ATRNL1: variants seen among roughly 807,000 people sequenced by gnomAD.
The protein encoded by ATRNL1 is attractin-like protein 1.
Under a neutral mutation model 182.7 loss-of-function variants are expected in ATRNL1, and 95 were observed. The ratio of observed to expected loss-of-function variants is 0.52; its 90% CI spans 0.44 to 0.62. The LOEUF is 0.62. ATRNL1 is among the 20% of genes least tolerant of loss of function. The pLI is 0.00. For synonymous variants in ATRNL1, 576 were observed against 568.3 expected, an observed-to-expected ratio of 1.01 and a Z score of -0.19; for missense variants, 1,471 against 1,679.5, an observed-to-expected ratio of 0.88 and a Z score of 2.17.
At chr10:115,788,470 G>A (rs1218168554) in intron 27 of ATRNL1, among the ~76,000 whole-genome samples, 1 of 152,092 alleles carries the variant, frequency 6.6e-6, no homozygotes, top group Admixed American at 6.5e-5. Context: ...CCTCCTTTAT[G>A]GGTGCAAAAT....
chr10:115,872,306 G>T (rs1232209771), intron 28 of ATRNL1, among the ~76,000 whole-genome samples: 2 of 152,154 alleles, frequency 1.3e-5, no homozygotes, highest in Non-Finnish European at 2.9e-5. Flanking sequence ...GCTTTCTGTT[G>T]TTAAAAGTTC....
Position 115,603,749 on chromosome 10 carries a change from C to T in ATRNL1, c.3795+54213C>T, listed in dbSNP as rs576517514. 1.8e-4 allele frequency among the ~76,000 whole-genome samples: 28 copies of T among 152,286 alleles called. 1 individual carries two copies. Among genetic ancestry groups the T allele is most frequent in the African/African-American group, 6.5e-4 (27 of 41,570 alleles). On this transcript the variant is annotated intron_variant, in intron 26 of 28. Coordinates refer to ENST00000355044, the MANE Select transcript of ATRNL1 (RefSeq NM_207303.4). ...CTAAATATTTACCCTATCCATTGCT[C>T]TCCATTGCTTTGTCTAGATTTAAGT...
At chr10:115,270,285 A>G (rs1375151482) in intron 13 of ATRNL1, among the ~76,000 whole-genome samples, 1 of 144,506 alleles carries the variant, frequency 6.9e-6, no homozygotes, top group Non-Finnish European at 1.5e-5. Flanking sequence ...AAATATATAA[A>G]CATTTGTTTA....
At chr10:115,640,386 C>A (rs1859162194) in intron 26 of ATRNL1, among the ~76,000 whole-genome samples, 1 of 152,168 alleles carries the variant, frequency 6.6e-6, no homozygotes, top group South Asian at 2.1e-4. Flanking sequence ...AATTTACACT[C>A]CCACCAACAG....
intron 9 of ATRNL1, among the ~76,000 whole-genome samples, chr10:115,221,390 T>C (rs1315905498): frequency 7.9e-5 from 12 of 152,224 alleles, no homozygotes; most frequent in Non-Finnish European, 1.8e-4. Flanking sequence ...TTAGTAGATA[T>C]GGTTACATAG....
In ATRNL1 at chr10:115,747,251, G is replaced by A. The variant is rs993685951; in HGVS notation, c.3903+19896G>A. On this transcript the variant is annotated intron_variant, in intron 27 of 28. Coordinates refer to ENST00000355044, the MANE Select transcript of ATRNL1 (RefSeq NM_207303.4). Reference sequence around the variant, plus strand: ...ATTTCTATTCATTCTCCCAACCTGTGCTAGAATGATGATCCTTTATCTTAC... The same window carrying A: ...ATTTCTATTCATTCTCCCAACCTGTACTAGAATGATGATCCTTTATCTTAC... Among the ~76,000 whole-genome samples, 3 of 152,208 alleles carry A rather than the reference G, an allele frequency of 2.0e-5. No homozygotes were observed. The East Asian group carries it at 5.8e-4, about 29-fold the overall frequency.
chr10:115,686,870 CTTTA>C (rs1946234521), intron 26 of ATRNL1, among the ~76,000 whole-genome samples: 2 of 152,066 alleles, frequency 1.3e-5, no homozygotes. Flanking sequence ...TGTTAAACCA[CTTTA>C]TTTAAGGGTG....
chr10:115,672,182 C>T (rs1237309099), intron 26 of ATRNL1, among the ~76,000 whole-genome samples: 1 of 152,048 alleles, frequency 6.6e-6, no homozygotes, highest in Non-Finnish European at 1.5e-5. Context: ...TTCTAGATGT[C>T]TTTATATGAT....
At chr10:115,345,600 T>G (rs1554939497) in intron 19 of ATRNL1, among the ~76,000 whole-genome samples, 1 of 152,154 alleles carries the variant, frequency 6.6e-6, no homozygotes, top group East Asian at 1.9e-4. Flanking sequence ...TATGAAGGTG[T>G]TTTTTCTGTT....
chr10:115,411,969 G>T (rs1845162485), intron 20 of ATRNL1, among the ~76,000 whole-genome samples: 1 of 152,188 alleles, frequency 6.6e-6, no homozygotes, highest in Non-Finnish European at 1.5e-5. Context: ...TCATACCATT[G>T]TGTAGTTCCA....
chr10:115,245,494 C>T (rs1208249976), intron 10 of ATRNL1, among the ~76,000 whole-genome samples: 16 of 84,902 alleles, frequency 1.9e-4, no homozygotes, highest in Non-Finnish European at 2.9e-4. Context: ...ACCGACACTC[C>T]GTCTCAAAAA....
At chr10:115,758,356 A>G (rs531416621) in intron 27 of ATRNL1, among the ~76,000 whole-genome samples, 1 of 5,472 alleles carries the variant, frequency 1.8e-4, no homozygotes, top group Admixed American at 3.7e-3. Flanking sequence ...TCTGTTTGAT[A>G]GTTTTTTCCT....
chr10:115,594,570 G>C (rs930509227), intron 26 of ATRNL1, among the ~76,000 whole-genome samples: 2 of 152,126 alleles, frequency 1.3e-5, no homozygotes, highest in Admixed American at 1.3e-4. Flanking sequence ...GCAGTGGCGC[G>C]ATCGTGGCTC....
chr10:115,561,218 G>A (rs189956535), intron 26 of ATRNL1, among the ~76,000 whole-genome samples: 109 of 152,154 alleles, frequency 7.2e-4, no homozygotes, highest in East Asian at 1.9e-4. Context: ...CTCCAGAATG[G>A]GAGAACACTT....
intron 24 of ATRNL1, among the ~76,000 whole-genome samples, chr10:115,488,052 T>G (rs1554975596): frequency 6.6e-6 from 1 of 152,208 alleles, no homozygotes; most frequent in African/African-American, 2.4e-5. Flanking sequence ...TGAACCAGTC[T>G]TGCATCTCAG....
intron 27 of ATRNL1, among the ~76,000 whole-genome samples, chr10:115,794,149 C>T (rs1404834444): frequency 1.3e-5 from 2 of 152,126 alleles, no homozygotes; most frequent in Non-Finnish European, 2.9e-5. Flanking sequence ...ACTTTGCATG[C>T]ACAAGAAAAC....
At chr10:115,399,490 A>C (rs1554956444) in intron 20 of ATRNL1, among the ~76,000 whole-genome samples, 2 of 151,830 alleles carry the variant, frequency 1.3e-5, no homozygotes, top group Non-Finnish European at 2.9e-5. Context: ...GGTTGTTCAT[A>C]TTTCTGTGGG....
At chr10:115,435,575 A>G (rs1476841549) in intron 21 of ATRNL1, among the ~76,000 whole-genome samples, 1 of 152,186 alleles carries the variant, frequency 6.6e-6, no homozygotes, top group East Asian at 1.9e-4. Flanking sequence ...GCTAAGACAT[A>G]TGGCAAGTCA....
At chr10:115,389,333 C>T (rs1181322848) in intron 19 of ATRNL1, among the ~76,000 whole-genome samples, 2 of 151,176 alleles carry the variant, frequency 1.3e-5, no homozygotes, top group Middle Eastern at 3.4e-3. Context: ...AGTGAAACCC[C>T]ATCTCTACTA....
Sources: gnomAD v4.1 joint callset for allele counts (sites outside exome capture counted in the v4.1 genomes callset) on GRCh38, gnomAD v4.1.1 for gene constraint, MANE v1.5 for transcripts, NCBI Gene and HGNC (gene_info 2026-07-23, HGNC 2026-07-21) for gene names.